The following AKT3 variants were observed in gnomAD, a reference collection of about 807,000 sequenced individuals.
AKT3 encodes the protein RAC-gamma serine/threonine-protein kinase.
AKT3 carries 15 observed loss-of-function variants against 65.3 expected under a neutral mutation model. That is an observed-to-expected ratio of 0.23 (90% CI 0.15 to 0.35). AKT3 has a LOEUF of 0.35. Ranked by LOEUF, AKT3 falls within the 10% of genes least tolerant of loss-of-function variation. The probability of loss-of-function intolerance (pLI) is 1.00; values close to 1 mark genes in which losing one functional copy is unlikely to be tolerated. For synonymous variants in AKT3, 206 were observed against 183.8 expected (o/e 1.12, Z -0.98); for missense variants, 243 against 576.5 (o/e 0.42, Z 5.92).
intron 2 of AKT3, among the ~76,000 whole-genome samples, chr1:243,768,114 AAT>A (rs925561714): frequency 7.3e-5 from 11 of 151,092 alleles, no homozygotes; most frequent in African/African-American, 2.7e-4. Context: ...AAAAATAAAA[AAT>A]AAATGCCCTG....
intron 2 of AKT3, among the ~76,000 whole-genome samples, chr1:243,751,293 G>C (rs1033600947): frequency 6.6e-6 from 1 of 152,196 alleles, no homozygotes; most frequent in Non-Finnish European, 1.5e-5. Context: ...TCCATTTGTA[G>C]ACCAGCTGTG....
chr1:243,572,650 G>C (rs948841128), intron 9 of AKT3, among the ~76,000 whole-genome samples: 1 of 152,130 alleles, frequency 6.6e-6, no homozygotes, highest in African/African-American at 2.4e-5. Context: ...AGTGTAACTT[G>C]TGAATTTATT....
At chr1:243,782,027 T>C (rs1179647042) in intron 2 of AKT3, among the ~76,000 whole-genome samples, 8 of 152,168 alleles carry the variant, frequency 5.3e-5, no homozygotes, top group Admixed American at 4.6e-4. Flanking sequence ...CTTGCTATGT[T>C]GTTCAGCCTG....
intron 2 of AKT3, among the ~76,000 whole-genome samples, chr1:243,842,634 A>G (rs1267456258): frequency 2.0e-5 from 3 of 152,226 alleles, no homozygotes; most frequent in Non-Finnish European, 4.4e-5. Flanking sequence ...CTTTTACGTC[A>G]GGACTTTACT....
At chr1:243,768,453 G>C (rs1453463084) in intron 2 of AKT3, among the ~76,000 whole-genome samples, 1 of 152,090 alleles carries the variant, frequency 6.6e-6, no homozygotes, top group East Asian at 1.9e-4. Context: ...TCACACAGTA[G>C]GTCAAAATGT....
chr1:243,743,495 GA>G (rs1055635305), intron 2 of AKT3, among the ~76,000 whole-genome samples: 10 of 152,000 alleles, frequency 6.6e-5, no homozygotes, highest in African/African-American at 2.4e-4. Flanking sequence ...TTTTATTAAG[GA>G]AAAAAATATT....
At chr1:243,816,490 T>G (rs1460602019) in intron 2 of AKT3, among the ~76,000 whole-genome samples, 1 of 152,208 alleles carries the variant, frequency 6.6e-6, no homozygotes, top group Non-Finnish European at 1.5e-5. Context: ...TTAGTTCTAC[T>G]ACTGCAACTA....
chr1:243,754,009 A>T (rs913560956), intron 2 of AKT3, among the ~76,000 whole-genome samples: 1 of 152,170 alleles, frequency 6.6e-6, no homozygotes, highest in Non-Finnish European at 1.5e-5. Flanking sequence ...TGGGTAGATA[A>T]TGAAAGCCTG....
chr1:243,672,696 A>G (rs1683234158), intron 3 of AKT3, among the ~76,000 whole-genome samples: 1 of 152,360 alleles, frequency 6.6e-6, no homozygotes, highest in East Asian at 1.9e-4. Context: ...TGAAGTCACG[A>G]TATGTTAATG....
chr1:243,669,494 A>C (rs972457908), intron 3 of AKT3, among the ~76,000 whole-genome samples: 2 of 152,332 alleles, frequency 1.3e-5, no homozygotes, highest in Non-Finnish European at 2.9e-5. Context: ...TGGACTCTGC[A>C]ATCAGAAAGA....
At position 243,667,985 on chromosome 1, in the gene AKT3, C is replaced by G. The variant is rs538226265; in HGVS notation, c.173-3102G>C. ...ATCCTATTTAATACTGCAATCTGCA[C>G]CCCTTACCTAGGACTCTCCCTCCAT... On this transcript the variant is annotated intron_variant, in intron 3 of 13. Transcript: ENST00000673466. Among the ~76,000 whole-genome samples, 3 of 152,310 alleles carry G rather than the reference C, an allele frequency of 2.0e-5. No homozygotes were observed. In the East Asian group the frequency reaches 5.8e-4, roughly 29 times the overall value.
At chr1:243,767,714 G>A (rs926417609) in intron 2 of AKT3, among the ~76,000 whole-genome samples, 1 of 152,056 alleles carries the variant, frequency 6.6e-6, no homozygotes, top group African/African-American at 2.4e-5. Flanking sequence ...GGAGTAAGTG[G>A]ATATATAGAT....
intron 8 of AKT3, among the ~76,000 whole-genome samples, chr1:243,580,252 C>T (rs1048456346): frequency 2.6e-5 from 4 of 152,128 alleles, no homozygotes; most frequent in African/African-American, 9.7e-5. Context: ...TTAAGTGAAG[C>T]CCCAGTGCAT....
At chr1:243,821,431 C>T (rs763970027) in intron 2 of AKT3, among the ~76,000 whole-genome samples, 6 of 152,100 alleles carry the variant, frequency 3.9e-5, no homozygotes, top group Non-Finnish European at 8.8e-5. Flanking sequence ...TCACAAATAA[C>T]AATATTAACC....
At chr1:243,532,770 A>G (rs1295731510) in intron 12 of AKT3, among the ~76,000 whole-genome samples, 1 of 152,154 alleles carries the variant, frequency 6.6e-6, no homozygotes, top group African/African-American at 2.4e-5. Flanking sequence ...AGTAAAGCCA[A>G]CTGGCCCTGG....
chr1:243,533,136 C>A (rs1671659875), intron 12 of AKT3, among the ~76,000 whole-genome samples: 1 of 152,056 alleles, frequency 6.6e-6, no homozygotes, highest in African/African-American at 2.4e-5. Flanking sequence ...TTTCAATTAT[C>A]GATTTCATTT....
At chr1:243,505,397 C>T (rs2148346064) in intron 13 of AKT3, 63 bp from the exon 14 acceptor site, 1 of 1,434,448 alleles carries the variant, frequency 7.0e-7, no homozygotes. Context: ...TATCTCTAGT[C>T]TATGTTTTTT....
chr1:243,750,802 A>C (rs1688765541), intron 2 of AKT3, among the ~76,000 whole-genome samples: 1 of 151,894 alleles, frequency 6.6e-6, no homozygotes, highest in South Asian at 2.1e-4. Flanking sequence ...GGCTGACCTC[A>C]AACTCCTGAC....
In AKT3 at chr1:243,501,057, G is replaced by C. The variant is rs1452828516; in HGVS notation, c.*4192C>G. 1 of 230,524 alleles carries C rather than the reference G, an allele frequency of 4.3e-6. No individual in the cohort carries two copies. The highest frequency in any genetic ancestry group is 8.6e-6 in the Non-Finnish European group (1 of 116,548). 14.3% of individuals were successfully genotyped at this position (230,524 alleles called of 1,614,324 possible). A position where few individuals can be genotyped will look rare whatever the true frequency, so the allele number is the denominator to read the frequency against. On this transcript the variant is annotated 3_prime_UTR_variant, in exon 14 of 14. Transcript: ENST00000673466. Reference sequence around the variant, plus strand: ...GTCAACCCCAGTGGTTTTGAGAGAAGAGCACATGTGAGAATGCCCTCAAAT... The same window carrying C: ...GTCAACCCCAGTGGTTTTGAGAGAACAGCACATGTGAGAATGCCCTCAAAT...
Sources: allele counts gnomAD v4.1 joint callset (sites outside exome capture counted in the v4.1 genomes callset), GRCh38; gene constraint gnomAD v4.1.1; transcripts MANE v1.5; gene names NCBI Gene and HGNC (gene_info 2026-07-23, HGNC 2026-07-21).